ALOX5: variants seen among roughly 807,000 people sequenced by gnomAD.
ALOX5 encodes the protein arachidonate 5-lipoxygenase.
Under a neutral mutation model 87.9 loss-of-function variants are expected in ALOX5, and 64 were observed. The observed-to-expected ratio is 0.73, with a 90% CI of 0.60 to 0.90. The LOEUF (loss-of-function observed/expected upper bound fraction) is 0.90, where lower values mean the gene tolerates loss of function less well. Among genes scored for constraint, ALOX5 ranks in the 40% least tolerant of loss-of-function variants. The pLI, the probability that ALOX5 is intolerant of heterozygous loss-of-function variation, is 0.00. For synonymous variants in ALOX5, 388 were observed against 355.1 expected, an observed-to-expected ratio of 1.09 and a Z score of -1.04; for missense variants, 822 against 907.5, an observed-to-expected ratio of 0.91 and a Z score of 1.21.
At chr10:45,424,005 T>C in intron 4 of ALOX5, 36 bp from the exon 5 acceptor site, 1 of 1,527,514 alleles carries the variant, frequency 6.5e-7, no homozygotes, top group Non-Finnish European at 9.1e-7. Context: ...GAGGCATGGC[T>C]AGTGTGCGCA....
intron 7 of ALOX5, among the ~76,000 whole-genome samples, chr10:45,429,922 G>T (rs904748789): frequency 3.3e-5 from 5 of 152,142 alleles, no homozygotes; most frequent in African/African-American, 1.2e-4. Context: ...CTGAGACACA[G>T]GTGCCCACAG....
At chr10:45,431,238 T>C (rs1028519741) in intron 7 of ALOX5, among the ~76,000 whole-genome samples, 1 of 152,184 alleles carries the variant, frequency 6.6e-6, no homozygotes, top group East Asian at 1.9e-4. Context: ...GCAACTCTAA[T>C]GCCATTTCCA....
At chr10:45,392,630 G>A (rs1233446959) in intron 2 of ALOX5, among the ~76,000 whole-genome samples, 5 of 151,860 alleles carry the variant, frequency 3.3e-5, no homozygotes, top group African/African-American at 1.2e-4. Context: ...TTGTTTATCT[G>A]CTGACCTTCC....
chr10:45,398,131 C>T (rs755292185), intron 3 of ALOX5, among the ~76,000 whole-genome samples: 11 of 152,164 alleles, frequency 7.2e-5, no homozygotes, highest in Non-Finnish European at 1.5e-4. Context: ...AATGTGATAT[C>T]GGCATAAGGA....
At chr10:45,433,832 A>G (rs1374326065) in intron 7 of ALOX5, among the ~76,000 whole-genome samples, 1 of 152,242 alleles carries the variant, frequency 6.6e-6, no homozygotes, top group Non-Finnish European at 1.5e-5. Flanking sequence ...AATTTAGAAC[A>G]AAGAGCCTGC....
rs1328385924 is a variant in ALOX5, at chr10:45,424,962, C to A, written c.664C>A (p.Arg222=). ...FVKISNTISE[R]VMNHWQEDLM... The stretch of plus-strand genomic sequence containing the variant: ...GGGCCTCGCTTTTCTCCTGGTAGAG[C>A]GGGTCATGAATCACTGGCAGGAAGA... Residue 222 remains arginine, a splice_region_variant and synonymous_variant, in exon 6 of 14, where the codon CGG becomes AGG. Coordinates refer to ENST00000374391, the MANE Select transcript of ALOX5 (RefSeq NM_000698.5). 3 of 1,613,934 alleles carry A rather than the reference C, an allele frequency of 1.9e-6. No homozygotes were observed. Among genetic ancestry groups the A allele is most frequent in the Middle Eastern group, 1.6e-4 (1 of 6,084 alleles).
chr10:45,382,515 A>G lies in ALOX5; in HGVS notation c.183A>G (p.Glu61=). 6.2e-7 allele frequency: 1 copy of G among 1,614,194 alleles called. No individual in the cohort carries two copies. The highest frequency in any genetic ancestry group is 8.5e-7 in the Non-Finnish European group (1 of 1,180,046). The part of the protein sequence containing the change: ...VDSYDVTVDE[E]LGEIQLVRIE... ...CATACGACGTGACTGTGGACGAGGA[A>G]CTGGGCGAGATCCAGCTGGTCAGAA... Residue 61 remains glutamate (E), a synonymous_variant, in exon 2 of 14, where the codon GAA becomes GAG. Coordinates refer to ENST00000374391, the MANE Select transcript of ALOX5 (RefSeq NM_000698.5).
At chr10:45,443,632 C>G (rs1399788587) in intron 11 of ALOX5, 95 bp downstream of exon 11, 1 of 1,594,442 alleles carries the variant, frequency 6.3e-7, no homozygotes, top group Non-Finnish European at 8.5e-7. Flanking sequence ...CCAGGGTGCC[C>G]TCCGGCCTTG....
At chr10:45,428,152 C>G (rs1329114751) in intron 6 of ALOX5, among the ~76,000 whole-genome samples, 1 of 151,444 alleles carries the variant, frequency 6.6e-6, no homozygotes, top group African/African-American at 2.4e-5. Flanking sequence ...CTACCCCACC[C>G]GGCGGACAGC....
At chr10:45,413,269 G>A (rs1192618648) in intron 4 of ALOX5, among the ~76,000 whole-genome samples, 1 of 152,178 alleles carries the variant, frequency 6.6e-6, no homozygotes, top group African/African-American at 2.4e-5. Flanking sequence ...TCATCCCTGG[G>A]ATGGAAGGCT....
chr10:45,393,845 C>T (rs1210953566), intron 2 of ALOX5, among the ~76,000 whole-genome samples: 1 of 152,158 alleles, frequency 6.6e-6, no homozygotes, highest in African/African-American at 2.4e-5. Flanking sequence ...GGAGTGAACT[C>T]CCATTCACAA....
At position 45,383,516 on chromosome 10, in the gene ALOX5, G is replaced by A. The variant is rs1485078172; in HGVS notation, c.349+835G>A. On this transcript the variant is annotated intron_variant, in intron 2 of 13. Transcript: ENST00000374391. Reference sequence around the variant, plus strand: ...AGCCTTCAAAGGCCAGGCAGCCACCGTAATAAGAGAAAGCCACTGCTTCTG... The same window carrying A: ...AGCCTTCAAAGGCCAGGCAGCCACCATAATAAGAGAAAGCCACTGCTTCTG... Among the ~76,000 whole-genome samples the A allele has an allele frequency of 3.3e-5, 5 of 152,236 alleles. No homozygotes were observed. The East Asian group carries it at 5.8e-4, about 18-fold the overall frequency.
chr10:45,416,211 C>G (rs1841285900), intron 4 of ALOX5, among the ~76,000 whole-genome samples: 1 of 152,054 alleles, frequency 6.6e-6, no homozygotes, highest in Admixed American at 6.5e-5. Flanking sequence ...ATATTATTGA[C>G]CATTTCTAGG....
chr10:45,378,102 A>T (rs1001633263), intron 1 of ALOX5, among the ~76,000 whole-genome samples: 5 of 152,020 alleles, frequency 3.3e-5, no homozygotes, highest in African/African-American at 9.7e-5. Flanking sequence ...CACATCTGAA[A>T]TGTGCTACCC....
intron 3 of ALOX5, among the ~76,000 whole-genome samples, chr10:45,403,954 G>A (rs2132738237): frequency 6.6e-6 from 1 of 152,254 alleles, no homozygotes; most frequent in East Asian, 1.9e-4. Context: ...GTGAATCTGG[G>A]TTAAGATAAA....
In ALOX5 at chr10:45,445,708, T is replaced by G; in HGVS notation, c.*21T>G. 6.3e-7 allele frequency: 1 copy of G among 1,594,756 alleles called. No homozygotes were observed. Among genetic ancestry groups the G allele is most frequent in the East Asian group, 2.3e-5 (1 of 44,346 alleles). ...TCTGAGCACACTGCCAGTCTCACTG[T>G]GGGAAGGCCAGCTGCCCCAGCCAGA... On this transcript the variant is annotated 3_prime_UTR_variant, in exon 14 of 14. Transcript: ENST00000374391.
intron 3 of ALOX5, among the ~76,000 whole-genome samples, chr10:45,403,107 G>A (rs879320808): frequency 6.6e-6 from 1 of 152,162 alleles, no homozygotes; most frequent in Non-Finnish European, 1.5e-5. Flanking sequence ...TAAAACTGAA[G>A]CTACATTATA....
intron 7 of ALOX5, among the ~76,000 whole-genome samples, chr10:45,431,895 T>C (rs1472111263): frequency 6.6e-6 from 1 of 152,102 alleles, no homozygotes; most frequent in Non-Finnish European, 1.5e-5. Flanking sequence ...TTTTAAAGGA[T>C]ATACAATGAA....
At chr10:45,398,189 C>A (rs1490855294) in intron 3 of ALOX5, among the ~76,000 whole-genome samples, 1 of 152,150 alleles carries the variant, frequency 6.6e-6, no homozygotes, top group African/African-American at 2.4e-5. Context: ...GAAATAAGCC[C>A]TTACACTTAT....
Sources: allele counts gnomAD v4.1 joint callset (sites outside exome capture counted in the v4.1 genomes callset), GRCh38; gene constraint gnomAD v4.1.1; transcripts MANE v1.5; gene names NCBI Gene and HGNC (gene_info 2026-07-23, HGNC 2026-07-21).